Variants in BCL6B observed in about 807,000 individuals in gnomAD.
BCL6B encodes B-cell CLL/lymphoma 6 member B protein.
BCL6B carries 28 observed loss-of-function variants against 44.6 expected under a neutral mutation model. That is an observed-to-expected ratio of 0.63 (90% CI 0.47 to 0.86). BCL6B has a LOEUF of 0.86. BCL6B is among the 40% of genes least tolerant of loss of function. The probability of loss-of-function intolerance (pLI) is 0.00; values close to 1 mark genes in which losing one functional copy is unlikely to be tolerated. For missense variants in BCL6B, 626 were observed against 652.3 expected, an observed-to-expected ratio of 0.96 and a Z score of 0.44; for synonymous variants, 268 against 263.6, an observed-to-expected ratio of 1.02 and a Z score of -0.16.
rs1412978951 is a variant in BCL6B, at chr17:7,028,943, G to A, written c.*1324G>A. The stretch of plus-strand genomic sequence containing the variant: ...AACCTTCTTTTCCTCTAGAAGGGAT[G>A]GTGCTTGGTAACCTTACCTTTTAAA... On this transcript the variant is annotated 3_prime_UTR_variant, in exon 9 of 9. Coordinates refer to ENST00000293805, the MANE Select transcript of BCL6B (RefSeq NM_181844.4). The A allele has an allele frequency of 1.0e-6, 1 of 985,322 alleles. No individual in the cohort carries two copies. Among genetic ancestry groups the A allele is most frequent in the African/African-American group, 1.7e-5 (1 of 57,248 alleles). The allele number at this position is 985,322 out of a possible 1,614,324, so 61.0% of individuals were successfully genotyped here. A position where few individuals can be genotyped will look rare whatever the true frequency, so the allele number is the denominator to read the frequency against.
Position 7,027,828 on chromosome 17 carries a change from A to G in BCL6B, c.*209A>G. 7.0e-7 allele frequency: 1 copy of G among 1,419,430 alleles called. No homozygotes were observed. The highest frequency in any genetic ancestry group is 1.4e-5 in the African/African-American group (1 of 69,410). The allele number at this position is 1,419,430 out of a possible 1,614,324, so 87.9% of individuals were successfully genotyped here. On this transcript the variant is annotated 3_prime_UTR_variant, in exon 9 of 9. Coordinates refer to ENST00000293805, the MANE Select transcript of BCL6B (RefSeq NM_181844.4). ...TTTTGCTGGTCAAAACCTCTTCCCC[A>G]CAAGCCAGATTGTTTCTGAGGAGAG...
chr17:7,028,998 C>T lies in BCL6B; in HGVS notation c.*1379C>T, dbSNP rs1910382490. 2.0e-6 allele frequency: 2 copies of T among 985,434 alleles called. No individual in the cohort carries two copies. Among genetic ancestry groups the T allele is most frequent in the Non-Finnish European group, 2.4e-6 (2 of 829,942 alleles). 61.0% of individuals were successfully genotyped at this position (985,434 alleles called of 1,614,324 possible). On this transcript the variant is annotated 3_prime_UTR_variant, in exon 9 of 9. Transcript: ENST00000293805. The stretch of plus-strand genomic sequence containing the variant: ...GGGTCTGTGACCTGGTCTTCCCATC[C>T]CTGCATTCCTGTCTGGAACCAGTGA...
rs1356397361 is a variant in BCL6B, at chr17:7,024,447, C to G, written c.448C>G (p.Pro150Ala). The G allele has an allele frequency of 6.2e-7, 1 of 1,613,868 alleles. No homozygotes were observed. The highest frequency in any genetic ancestry group is 8.5e-7 in the Non-Finnish European group (1 of 1,179,960). ...ISLRPLEAEP[P>A]TPPTAPPPGS... ...CCTGCGCCCCCTGGAAGCAGAACCC[C>G]CAACACCCCCAACGGCCCCTCCACC... Residue 150 changes from proline to alanine, a missense_variant, in exon 4 of 9, where the codon CCA becomes GCA. Pro to Ala is a conservative substitution (Grantham distance 27, BLOSUM62 -1). Coordinates refer to ENST00000293805, the MANE Select transcript of BCL6B (RefSeq NM_181844.4). This position sits in a 1 kb window ranked among gnomAD's most constrained non-coding sequence, Gnocchi z 6.6.
Position 7,029,120 on chromosome 17 carries a change from A to G in BCL6B, c.*1501A>G. 1 of 985,504 alleles carries G rather than the reference A, an allele frequency of 1.0e-6. No individual in the cohort carries two copies. Among genetic ancestry groups the G allele is most frequent in the South Asian group, 4.7e-5 (1 of 21,294 alleles). 61.0% of individuals were successfully genotyped at this position (985,504 alleles called of 1,614,324 possible). A position where few individuals can be genotyped will look rare whatever the true frequency, so the allele number is the denominator to read the frequency against. On this transcript the variant is annotated 3_prime_UTR_variant, in exon 9 of 9. Coordinates refer to ENST00000293805, the MANE Select transcript of BCL6B (RefSeq NM_181844.4). ...GATTATTGTTGGCATTACAGATGTA[A>G]AAGATTGACTAGCCCATAGGCCAAA...
chr17:7,028,844 TTC>T lies in BCL6B; in HGVS notation c.*1231_*1232del. The stretch of plus-strand genomic sequence containing the variant: ...ATATGGGTTTGAATGTTACCTGGGG[TTC>T]TCTCTATTGAGTTGAGCCCCTTCTT... On this transcript the variant is annotated 3_prime_UTR_variant, in exon 9 of 9. Coordinates refer to ENST00000293805, the MANE Select transcript of BCL6B (RefSeq NM_181844.4). The T allele has an allele frequency of 9.1e-6, 9 of 985,458 alleles. No homozygotes were observed. Among genetic ancestry groups the T allele is most frequent in the Non-Finnish European group, 1.1e-5 (9 of 829,934 alleles). 61.0% of individuals were successfully genotyped at this position (985,458 alleles called of 1,614,324 possible).
rs776107945 is a variant in BCL6B, at chr17:7,024,703, G to A, written c.704G>A (p.Ser235Asn). 4 of 1,338,848 alleles carry A rather than the reference G, an allele frequency of 3.0e-6. No homozygotes were observed. The African/African-American group carries it at 4.8e-5, about 16-fold the overall frequency. 82.9% of individuals were successfully genotyped at this position (1,338,848 alleles called of 1,614,324 possible). Residue 235 changes from serine to asparagine, a missense_variant, in exon 4 of 9, where the codon AGC (serine) becomes AAC (asparagine). Coordinates refer to ENST00000293805, the MANE Select transcript of BCL6B (RefSeq NM_181844.4). The surrounding 1 kb of genome is among the most constrained non-coding windows in gnomAD (Gnocchi z 6.6). ...ARLPSGDEAS[S>N]SSSSSSSSSE... is the part of the protein sequence containing the mutation. ...CTCCCCAGTGGAGACGAGGCCTCCA[G>A]CAGCAGCAGCAGCAGCAGCAGCAGC...
In BCL6B at chr17:7,024,435, G is replaced by A. The variant is rs780211175; in HGVS notation, c.436G>A (p.Glu146Lys). ...TCTGGGCATCTCCCTGCGCCCCCTG[G>A]AAGCAGAACCCCCAACACCCCCAAC... is the stretch of plus-strand genomic sequence containing the variant. The part of the protein sequence containing the change: ...EPLGISLRPL[E>K]AEPPTPPTAP... Residue 146 changes from glutamate (E) to lysine (K), a missense_variant, in exon 4 of 9, where the codon GAA (glutamate) becomes AAA (lysine). Physicochemically the swap from Glu to Lys is moderately conservative, Grantham distance 56. Coordinates refer to ENST00000293805, the MANE Select transcript of BCL6B (RefSeq NM_181844.4). This position sits in a 1 kb window ranked among gnomAD's most constrained non-coding sequence, Gnocchi z 6.6. The A allele has an allele frequency of 6.2e-7, 1 of 1,613,660 alleles. No homozygotes were observed. The highest frequency in any genetic ancestry group is 8.5e-7 in the Non-Finnish European group (1 of 1,179,860).
rs1179954365 is a variant in BCL6B, at chr17:7,027,812, T to A, written c.*193T>A. ...GCTAGATCTGCCTCTGTTTTGCTGG[T>A]CAAAACCTCTTCCCCACAAGCCAGA... On this transcript the variant is annotated 3_prime_UTR_variant, in exon 9 of 9. Transcript: ENST00000293805. 57 of 1,427,452 alleles carry A rather than the reference T, an allele frequency of 4.0e-5. No individual in the cohort carries two copies. In the East Asian group the frequency reaches 1.4e-3, roughly 34 times the overall value. 88.4% of individuals were successfully genotyped at this position (1,427,452 alleles called of 1,614,324 possible).
In BCL6B at chr17:7,026,513, C is replaced by G; in HGVS notation, c.946C>G (p.Leu316Val). ...CEAVAGCSSG[L>V]DSLVPGDEDK... ...GGCTGTGGCAGGGTGCTCATCGGGG[C>G]TGGACTCCTTGGTTCCTGGGGACGA... is the stretch of plus-strand genomic sequence containing the variant. Residue 316 changes from leucine (L) to valine (V), a missense_variant, in exon 6 of 9, where the codon CTG becomes GTG. Physicochemically the swap from Leu to Val is conservative, Grantham distance 32. Coordinates refer to ENST00000293805, the MANE Select transcript of BCL6B (RefSeq NM_181844.4). 6.2e-7 allele frequency: 1 copy of G among 1,614,206 alleles called. No individual in the cohort carries two copies. Among genetic ancestry groups the G allele is most frequent in the Admixed American group, 1.7e-5 (1 of 60,032 alleles).
chr17:7,029,082 G>A lies in BCL6B; in HGVS notation c.*1463G>A, dbSNP rs1910384279. ...GGCTGAGTTCCATTCTGGGTTTGCT[G>A]TAGTTTGGTTGGGATTATTGTTGGC... On this transcript the variant is annotated 3_prime_UTR_variant, in exon 9 of 9. Coordinates refer to ENST00000293805, the MANE Select transcript of BCL6B (RefSeq NM_181844.4). The A allele has an allele frequency of 2.0e-6, 2 of 985,410 alleles. No homozygotes were observed. The highest frequency in any genetic ancestry group is 4.7e-5 in the South Asian group (1 of 21,294). 61.0% of individuals were successfully genotyped at this position (985,410 alleles called of 1,614,324 possible). A position where few individuals can be genotyped will look rare whatever the true frequency, so the allele number is the denominator to read the frequency against.
In BCL6B at chr17:7,027,740, C is replaced by T; in HGVS notation, c.*121C>T. The T allele has an allele frequency of 6.6e-7, 1 of 1,505,946 alleles. No individual in the cohort carries two copies. The highest frequency in any genetic ancestry group is 1.3e-5 in the South Asian group (1 of 78,650). 93.3% of individuals were successfully genotyped at this position (1,505,946 alleles called of 1,614,324 possible). A position where few individuals can be genotyped will look rare whatever the true frequency, so the allele number is the denominator to read the frequency against. On this transcript the variant is annotated 3_prime_UTR_variant, in exon 9 of 9. Transcript: ENST00000293805. ...CAGGCCACTTTGGTATCAGAAATTG[C>T]CACCCTCTTAATTTCTCACTGGGGA...
intron 5 of BCL6B, among the ~76,000 whole-genome samples, chr17:7,025,692 C>T (rs1486762942): frequency 2.6e-5 from 4 of 152,012 alleles, no homozygotes; most frequent in Non-Finnish European, 5.9e-5. Context: ...TGAAAATTAG[C>T]CGGGCACGGT....
At chr17:7,023,537 G>C in intron 1 of BCL6B, 123 bp from the exon 2 acceptor site, 1 of 918,080 alleles carries the variant, frequency 1.1e-6, no homozygotes, top group Non-Finnish European at 1.6e-6. Context: ...GGGAGGCTGC[G>C]TGTGCCGGGG....
In BCL6B at chr17:7,026,514, T is replaced by C. The variant is rs1910290808; in HGVS notation, c.947T>C (p.Leu316Pro). 6.2e-7 allele frequency: 1 copy of C among 1,614,110 alleles called. No homozygotes were observed. Among genetic ancestry groups the C allele is most frequent in the Non-Finnish European group, 8.5e-7 (1 of 1,180,030 alleles). Residue 316 changes from leucine to proline, a missense_variant, in exon 6 of 9, where the codon CTG becomes CCG. Physicochemically the swap from Leu to Pro is moderately conservative, Grantham distance 98. Coordinates refer to ENST00000293805, the MANE Select transcript of BCL6B (RefSeq NM_181844.4). ...CEAVAGCSSG[L>P]DSLVPGDEDK... ...GCTGTGGCAGGGTGCTCATCGGGGC[T>C]GGACTCCTTGGTTCCTGGGGACGAA...
Position 7,029,498 on chromosome 17 carries a change from A to T in BCL6B, c.*1879A>T. 9.5e-7 allele frequency: 1 copy of T among 1,052,794 alleles called. No individual in the cohort carries two copies. Among genetic ancestry groups the T allele is most frequent in the Non-Finnish European group, 1.2e-6 (1 of 868,284 alleles). The allele number at this position is 1,052,794 out of a possible 1,614,324, so 65.2% of individuals were successfully genotyped here. Reference sequence around the variant, plus strand: ...CCATGGCCCCACTGCAGAATTAAAGAAGGAAGAAGGGAAGGCGGAGGAGTC... The same window carrying T: ...CCATGGCCCCACTGCAGAATTAAAGTAGGAAGAAGGGAAGGCGGAGGAGTC... On this transcript the variant is annotated 3_prime_UTR_variant, in exon 9 of 9. Coordinates refer to ENST00000293805, the MANE Select transcript of BCL6B (RefSeq NM_181844.4).
At chr17:7,023,908 C>G (rs989967545) in intron 2 of BCL6B, 58 bp downstream of exon 2, 33 of 1,579,666 alleles carry the variant, frequency 2.1e-5, no homozygotes, top group Non-Finnish European at 2.6e-5. Flanking sequence ...ACCACAGGGC[C>G]GTTGAGAGGG....
Position 7,028,701 on chromosome 17 carries a change from T to C in BCL6B, c.*1082T>C, listed in dbSNP as rs1910372258. On this transcript the variant is annotated 3_prime_UTR_variant, in exon 9 of 9. Transcript: ENST00000293805. ...ATCAGACATTCCTTATCAGAGATGA[T>C]GTGACCTTTTCTGACTCTGCCCAGT... 1.0e-6 allele frequency: 1 copy of C among 985,436 alleles called. No homozygotes were observed. Among genetic ancestry groups the C allele is most frequent in the Non-Finnish European group, 1.2e-6 (1 of 829,934 alleles). 61.0% of individuals were successfully genotyped at this position (985,436 alleles called of 1,614,324 possible).
rs1910356373 is a variant in BCL6B at position 7,028,266 on chromosome 17, G to A, written c.*647G>A. 3 of 985,566 alleles carry A rather than the reference G, an allele frequency of 3.0e-6. 1 individual carries two copies. Among genetic ancestry groups the A allele is most frequent in the Admixed American group, 6.1e-5 (1 of 16,282 alleles). The allele number at this position is 985,566 out of a possible 1,614,324, so 61.1% of individuals were successfully genotyped here. A position where few individuals can be genotyped will look rare whatever the true frequency, so the allele number is the denominator to read the frequency against. ...GTCTGGAACCTTTATTTGTTCTAGG[G>A]CAGCTCTGGGAACATGCGGGATTGT... On this transcript the variant is annotated 3_prime_UTR_variant, in exon 9 of 9. Transcript: ENST00000293805.
rs982076224 is a variant in BCL6B, at chr17:7,024,054, C to T, written c.180-29C>T. 1.9e-6 allele frequency: 3 copies of T among 1,608,304 alleles called. No homozygotes were observed. Among genetic ancestry groups the T allele is most frequent in the African/African-American group, 2.7e-5 (2 of 74,728 alleles). Reference sequence around the variant, plus strand: ...GCATGTCTCCCTTGGTTCCCCAGCCCCCAAAGGACTTATCTGCTCTCTCTC... The same window carrying T: ...GCATGTCTCCCTTGGTTCCCCAGCCTCCAAAGGACTTATCTGCTCTCTCTC... On this transcript the variant is annotated intron_variant, in intron 2 of 8. Transcript: ENST00000293805. This position sits in a 1 kb window ranked among gnomAD's most constrained non-coding sequence, Gnocchi z 6.6.
Sources: gnomAD v4.1 joint callset for allele counts (sites outside exome capture counted in the v4.1 genomes callset) on GRCh38, gnomAD v4.1.1 for gene constraint, Gnocchi (gnomAD v3.1) non-coding constraint, MANE v1.5 for transcripts, NCBI Gene and HGNC (gene_info 2026-07-23, HGNC 2026-07-21) for gene names.